The following UVRAG variants were observed in gnomAD, a reference collection of about 807,000 sequenced individuals.
UVRAG encodes UV radiation resistance associated, also known as UV radiation resistance-associated gene protein.
A neutral mutation model predicts 78.0 loss-of-function variants in UVRAG; 19 were observed. That is an observed-to-expected ratio of 0.24 (90% CI 0.17 to 0.36). The LOEUF is 0.36. Among genes scored for constraint, UVRAG ranks in the 10% least tolerant of loss-of-function variants. The probability of loss-of-function intolerance (pLI) is 1.00; values close to 1 mark genes in which losing one functional copy is unlikely to be tolerated. For missense variants in UVRAG, 740 were observed against 853.8 expected, an observed-to-expected ratio of 0.87 and a Z score of 1.66; for synonymous variants, 323 against 324.6, an observed-to-expected ratio of 1.00 and a Z score of 0.05.
chr11:75,966,332 A>T (rs890660517), intron 7 of UVRAG, among the ~76,000 whole-genome samples: 3 of 151,980 alleles, frequency 2.0e-5, no homozygotes, highest in Admixed American at 6.6e-5. Flanking sequence ...TTTATCAGGG[A>T]TGTTGTGATA....
intron 12 of UVRAG, among the ~76,000 whole-genome samples, chr11:76,039,834 C>T (rs1591165063): frequency 6.6e-6 from 1 of 152,248 alleles, no homozygotes; most frequent in South Asian, 2.1e-4. Flanking sequence ...AAGATTGTGC[C>T]ACTGCACTCC....
chr11:76,074,380 T>C (rs1477411569), intron 13 of UVRAG, among the ~76,000 whole-genome samples: 10 of 152,198 alleles, frequency 6.6e-5, no homozygotes, highest in East Asian at 3.9e-4. Flanking sequence ...AGGAATGATA[T>C]GTAGTACAAG....
chr11:75,892,831 A>T (rs1351183400), intron 5 of UVRAG, among the ~76,000 whole-genome samples: 1 of 152,130 alleles, frequency 6.6e-6, no homozygotes, highest in Non-Finnish European at 1.5e-5. Context: ...ACACTTTGAG[A>T]CCTTCCTCAG....
At chr11:75,859,574 C>G (rs921110149) in intron 2 of UVRAG, among the ~76,000 whole-genome samples, 52 of 151,480 alleles carry the variant, frequency 3.4e-4, no homozygotes, top group African/African-American at 1.3e-3. Context: ...TCGTAACAAC[C>G]CTATTATATT....
At chr11:76,025,795 T>C (rs1325895484) in intron 12 of UVRAG, among the ~76,000 whole-genome samples, 1 of 152,134 alleles carries the variant, frequency 6.6e-6, no homozygotes. Flanking sequence ...TGATTCTCAT[T>C]AGAGTGGAAT....
chr11:76,049,363 T>C (rs953997047), intron 12 of UVRAG, among the ~76,000 whole-genome samples: 1 of 152,244 alleles, frequency 6.6e-6, no homozygotes, highest in African/African-American at 2.4e-5. Context: ...TCTACAGTTA[T>C]TGGTATTGAC....
At chr11:76,026,723 T>C (rs1418354950) in intron 12 of UVRAG, among the ~76,000 whole-genome samples, 3 of 152,082 alleles carry the variant, frequency 2.0e-5, no homozygotes, top group Non-Finnish European at 2.9e-5. Context: ...TGGAAAAGAG[T>C]GGACCAAATG....
rs563022135 is a variant in UVRAG at position 75,952,430 on chromosome 11, C to G, written c.594-9014C>G. Among the ~76,000 whole-genome samples the G allele has an allele frequency of 1.1e-4, 17 of 151,088 alleles. No homozygotes were observed. In the East Asian group the frequency reaches 3.1e-3, roughly 27 times the overall value. ...CAGATTGAGGAAGCTCCCCTTTCCT[C>G]CTAGTTTGTTGAGGGTTTTTTTTTT... On this transcript the variant is annotated intron_variant, in intron 6 of 14. Coordinates refer to ENST00000356136, the MANE Select transcript of UVRAG (RefSeq NM_003369.4).
chr11:76,124,660 G>A (rs1591263636), intron 14 of UVRAG, among the ~76,000 whole-genome samples: 2 of 152,204 alleles, frequency 1.3e-5, no homozygotes, highest in Admixed American at 1.3e-4. Flanking sequence ...ACAAACACCG[G>A]TGTTTAATGT....
intron 8 of UVRAG, among the ~76,000 whole-genome samples, chr11:75,985,384 C>A (rs1198992475): frequency 6.6e-6 from 1 of 151,610 alleles, no homozygotes; most frequent in Admixed American, 6.6e-5. Flanking sequence ...ATCTTTTGCC[C>A]ATTAATAAAA....
Position 75,961,459 on chromosome 11 carries a change from G to T in UVRAG, c.609G>T (p.Gln203His). Reference protein sequence around the residue: ...VFSLLRLHRAQCAIKQTQVTV... With the variant: ...VFSLLRLHRAHCAIKQTQVTV... The stretch of plus-strand genomic sequence containing the variant: ...ATATTTCTAGGCTTCATAGAGCCCA[G>T]TGTGCAATTAAACAGACTCAGGTAA... Residue 203 changes from glutamine (Q) to histidine (H), a missense_variant, in exon 7 of 15, where the codon CAG becomes CAT. Coordinates refer to ENST00000356136, the MANE Select transcript of UVRAG (RefSeq NM_003369.4). 6.3e-7 allele frequency: 1 copy of T among 1,597,132 alleles called. No homozygotes were observed. The highest frequency in any genetic ancestry group is 8.5e-7 in the Non-Finnish European group (1 of 1,176,190).
chr11:76,000,631 A>G, intron 8 of UVRAG, among the ~76,000 whole-genome samples: 1 of 152,146 alleles, frequency 6.6e-6, no homozygotes, highest in Non-Finnish European at 1.5e-5. Context: ...AAAAAAGGAA[A>G]AAAAGAAAAA....
At chr11:76,087,547 A>G (rs1951611052) in intron 13 of UVRAG, among the ~76,000 whole-genome samples, 1 of 152,112 alleles carries the variant, frequency 6.6e-6, no homozygotes, top group Non-Finnish European at 1.5e-5. Flanking sequence ...TAGCATGAGG[A>G]CTGTAATATA....
intron 12 of UVRAG, among the ~76,000 whole-genome samples, chr11:76,019,683 C>T (rs1950206365): frequency 6.6e-6 from 1 of 152,226 alleles, no homozygotes; most frequent in South Asian, 2.1e-4. Context: ...TACTTTTTCT[C>T]AGTCTCTCTC....
At chr11:75,858,616 T>G (rs1285035632) in intron 2 of UVRAG, among the ~76,000 whole-genome samples, 1 of 152,220 alleles carries the variant, frequency 6.6e-6, no homozygotes, top group Non-Finnish European at 1.5e-5. Flanking sequence ...ATTGATAGGG[T>G]AAATTTCATA....
intron 14 of UVRAG, among the ~76,000 whole-genome samples, chr11:76,123,382 C>G (rs915970326): frequency 7.9e-5 from 12 of 152,166 alleles, no homozygotes; most frequent in African/African-American, 2.9e-4. Context: ...CAAAAATGAT[C>G]ACGTTTCAAC....
At chr11:76,111,765 A>G (rs998306353) in intron 13 of UVRAG, among the ~76,000 whole-genome samples, 7 of 152,072 alleles carry the variant, frequency 4.6e-5, no homozygotes, top group African/African-American at 1.2e-4. Flanking sequence ...TCATTCTGCA[A>G]TGAACCCTCC....
At chr11:75,994,839 C>G (rs779376955) in intron 8 of UVRAG, among the ~76,000 whole-genome samples, 6 of 152,180 alleles carry the variant, frequency 3.9e-5, no homozygotes, top group Non-Finnish European at 7.4e-5. Flanking sequence ...GAGGTGTTAG[C>G]TAGAGAACTT....
intron 12 of UVRAG, among the ~76,000 whole-genome samples, chr11:76,030,334 A>G (rs924621728): frequency 6.6e-6 from 1 of 152,126 alleles, no homozygotes; most frequent in African/African-American, 2.4e-5. Flanking sequence ...CACCCGGCCA[A>G]GATACTAACT....
Sources: allele counts gnomAD v4.1 joint callset (sites outside exome capture counted in the v4.1 genomes callset), GRCh38; gene constraint gnomAD v4.1.1; transcripts MANE v1.5; gene names NCBI Gene and HGNC (gene_info 2026-07-23, HGNC 2026-07-21).